Variants in EHD4 observed in about 807,000 individuals in gnomAD.
EHD4 encodes the protein EH domain-containing protein 4.
A neutral mutation model predicts 51.0 loss-of-function variants in EHD4; 37 were observed. That is an observed-to-expected ratio of 0.73 (90% confidence interval 0.56 to 0.95). The LOEUF (loss-of-function observed/expected upper bound fraction) is 0.95, where lower values mean the gene tolerates loss of function less well. EHD4 is among the 40% of genes least tolerant of loss of function. The pLI is 0.00. For missense variants in EHD4, 632 were observed against 733.1 expected (o/e 0.86, Z 1.59); for synonymous variants, 297 against 317.3 (o/e 0.94, Z 0.68).
intron 4 of EHD4, among the ~76,000 whole-genome samples, chr15:41,910,288 T>G (rs981393373): frequency 6.6e-6 from 1 of 152,150 alleles, no homozygotes; most frequent in African/African-American, 2.4e-5. Flanking sequence ...AACGATGAGA[T>G]GAGAATCCCC....
chr15:41,953,422 G>A (rs1344987204), intron 2 of EHD4, among the ~76,000 whole-genome samples: 2 of 151,976 alleles, frequency 1.3e-5, no homozygotes, highest in Non-Finnish European at 2.9e-5. Context: ...GTCTTACTTC[G>A]TTGTCCAAGC....
chr15:41,930,309 A>G (rs1030133915), intron 3 of EHD4, among the ~76,000 whole-genome samples: 2 of 152,224 alleles, frequency 1.3e-5, no homozygotes, highest in African/African-American at 2.4e-5. Context: ...AAGTCAGGCT[A>G]GAAAGTCTCA....
At chr15:41,902,983 G>A (rs1166055435) in intron 5 of EHD4, among the ~76,000 whole-genome samples, 1 of 151,586 alleles carries the variant, frequency 6.6e-6, no homozygotes, top group Non-Finnish European at 1.5e-5. Flanking sequence ...GAAAACACTT[G>A]TTTATTGCAA....
intron 5 of EHD4, among the ~76,000 whole-genome samples, chr15:41,905,994 T>G (rs2067509765): frequency 6.6e-6 from 1 of 152,190 alleles, no homozygotes; most frequent in South Asian, 2.1e-4. Flanking sequence ...TTTTTTGTGT[T>G]GATTTATTCC....
At chr15:41,956,137 G>C (rs2067886281) in intron 1 of EHD4, among the ~76,000 whole-genome samples, 1 of 152,248 alleles carries the variant, frequency 6.6e-6, no homozygotes, top group African/African-American at 2.4e-5. Context: ...TCCAGAATCA[G>C]TGCTAATAGC....
At chr15:41,964,557 G>GA (rs2067949104) in intron 1 of EHD4, among the ~76,000 whole-genome samples, 1 of 152,090 alleles carries the variant, frequency 6.6e-6, no homozygotes, top group African/African-American at 2.4e-5. Flanking sequence ...AGTGAGCTAT[G>GA]ATGGCATCAC....
Position 41,900,944 on chromosome 15 carries a change from C to T in EHD4, c.1327G>A (p.Val443Ile), listed in dbSNP as rs767056528. ...AKEGADEEEWVVAKDKPVYDE... is the reference protein window; with the variant it reads ...AKEGADEEEWIVAKDKPVYDE... ...TAGACGGGCTTGTCTTTGGCCACGACCCACTCCTCCTCGTCGGCGCCCTCC... is the reference window on the plus strand; with the variant it reads ...TAGACGGGCTTGTCTTTGGCCACGATCCACTCCTCCTCGTCGGCGCCCTCC... Residue 443 changes from valine (V) to isoleucine (I), a missense_variant, in exon 6 of 6, where the codon GTC becomes ATC. Val to Ile is a conservative substitution (Grantham distance 29). Coordinates refer to ENST00000220325, the MANE Select transcript of EHD4 (RefSeq NM_139265.4). This position sits in a 1 kb window ranked among gnomAD's most constrained non-coding sequence, Gnocchi z 4.8. 6.2e-7 allele frequency: 1 copy of T among 1,613,744 alleles called. No homozygotes were observed. The highest frequency in any genetic ancestry group is 1.1e-5 in the South Asian group (1 of 91,078).
intron 1 of EHD4, among the ~76,000 whole-genome samples, chr15:41,956,697 T>TGTCC (rs374182428): frequency 1.3e-5 from 2 of 152,332 alleles, no homozygotes; most frequent in African/African-American, 4.8e-5. Context: ...AAGTCAAAGG[T>TGTCC]GTCCCCCTTT....
intron 5 of EHD4, among the ~76,000 whole-genome samples, chr15:41,905,445 T>C (rs1425004084): frequency 6.6e-6 from 1 of 152,122 alleles, no homozygotes; most frequent in East Asian, 1.9e-4. Context: ...ACTAATTCAC[T>C]TGGCTTGTGT....
rs753099915 is a variant in EHD4 at position 41,919,512 on chromosome 15, T to C, written c.622A>G (p.Lys208Glu). ...DISDEFSEAI[K>E]AFRGQDDKIR... Reference sequence around the variant, plus strand: ...TTGTCGTCCTGGCCCCGGAAGGCCTTGATGGCCTCTGAGAATTCATCTGAG... The same window carrying C: ...TTGTCGTCCTGGCCCCGGAAGGCCTCGATGGCCTCTGAGAATTCATCTGAG... Residue 208 changes from lysine (K) to glutamate (E), a missense_variant, in exon 4 of 6, where the codon AAG becomes GAG. Coordinates refer to ENST00000220325, the MANE Select transcript of EHD4 (RefSeq NM_139265.4). 6.5e-7 allele frequency: 1 copy of C among 1,547,362 alleles called. No individual in the cohort carries two copies. The highest frequency in any genetic ancestry group is 8.7e-7 in the Non-Finnish European group (1 of 1,150,148).
At chr15:41,909,585 G>T in intron 5 of EHD4, 114 bp downstream of exon 5, 1 of 1,204,946 alleles carries the variant, frequency 8.3e-7, no homozygotes, top group Non-Finnish European at 1.2e-6. Flanking sequence ...TTAGGAAGAT[G>T]CGTTGTCCTT....
chr15:41,913,985 G>T (rs537914651), intron 4 of EHD4, among the ~76,000 whole-genome samples: 6 of 152,306 alleles, frequency 3.9e-5, no homozygotes, highest in South Asian at 4.1e-4. Flanking sequence ...AAATGTATAT[G>T]AATGTATATG....
At chr15:41,942,526 T>C (rs1315072697) in intron 3 of EHD4, 1 of 152,946 alleles carries the variant, frequency 6.5e-6, no homozygotes, top group East Asian at 1.9e-4. Flanking sequence ...ATTACAGGCG[T>C]GAGCCACTCT....
Position 41,932,501 on chromosome 15 carries a change from G to A in EHD4, c.511+10566C>T, listed in dbSNP as rs564094812. 2.0e-5 allele frequency among the ~76,000 whole-genome samples: 3 copies of A among 152,278 alleles called. No individual in the cohort carries two copies. In the South Asian group the frequency reaches 6.2e-4, roughly 32 times the overall value. On this transcript the variant is annotated intron_variant, in intron 3 of 5. Transcript: ENST00000220325. ...TGGTCTGATTTGTGCTTTGCATCTC[G>A]ATTTGGATTCCAACAGGAGGCAATT...
At chr15:41,905,707 G>A (rs978492990) in intron 5 of EHD4, among the ~76,000 whole-genome samples, 2 of 152,174 alleles carry the variant, frequency 1.3e-5, no homozygotes, top group Non-Finnish European at 1.5e-5. Flanking sequence ...GGTCTCCTCT[G>A]TCGCCCAGGC....
At chr15:41,903,163 A>G (rs2067488828) in intron 5 of EHD4, among the ~76,000 whole-genome samples, 1 of 151,888 alleles carries the variant, frequency 6.6e-6, no homozygotes, top group South Asian at 2.1e-4. Flanking sequence ...GTACAGTTCT[A>G]GAGGGGGCCA....
chr15:41,962,873 GAA>G (rs2067935028), intron 1 of EHD4, among the ~76,000 whole-genome samples: 1 of 152,250 alleles, frequency 6.6e-6, no homozygotes, highest in African/African-American at 2.4e-5. Context: ...GTGGGGAAAA[GAA>G]AGAGAGATCA....
chr15:41,922,787 T>C (rs539603552), intron 3 of EHD4, among the ~76,000 whole-genome samples: 1 of 150,364 alleles, frequency 6.7e-6, no homozygotes, highest in African/African-American at 2.5e-5. Flanking sequence ...CCAATACTCA[T>C]GTCTGGAGGA....
chr15:41,965,431 G>C (rs756596550), intron 1 of EHD4, among the ~76,000 whole-genome samples: 2 of 152,212 alleles, frequency 1.3e-5, no homozygotes, highest in Non-Finnish European at 2.9e-5. Flanking sequence ...CGGATGGAAG[G>C]TTCAGCAAAG....
Sources: allele counts gnomAD v4.1 joint callset (sites outside exome capture counted in the v4.1 genomes callset), GRCh38; gene constraint gnomAD v4.1.1; non-coding constraint Gnocchi (gnomAD v3.1); transcripts MANE v1.5; gene names NCBI Gene and HGNC (gene_info 2026-07-23, HGNC 2026-07-21).